FAT2: variants seen among roughly 807,000 people sequenced by gnomAD.
The protein encoded by FAT2 is protocadherin Fat 2.
Under a neutral mutation model 295.3 loss-of-function variants are expected in FAT2, and 150 were observed. The ratio of observed to expected loss-of-function variants is 0.51; its 90% CI spans 0.44 to 0.58. The LOEUF (loss-of-function observed/expected upper bound fraction) is 0.58, where lower values mean the gene tolerates loss of function less well. Among genes scored for constraint, FAT2 ranks in the 20% least tolerant of loss-of-function variants. The pLI is 0.00. For missense variants in FAT2, 4,868 were observed against 5,442.7 expected (o/e 0.89, Z 3.32); for synonymous variants, 2,026 against 2,150.3 (o/e 0.94, Z 1.60).
rs1387076530 is a variant in FAT2, at chr5:151,522,050, T to C, written c.10543A>G (p.Thr3515Ala). Reference sequence around the variant, plus strand: ...TCTGTGACATGGACACGGACAGACGTCAAAGACGAGAGGGGAGGGATGCCA... The same window carrying C: ...TCTGTGACATGGACACGGACAGACGCCAAAGACGAGAGGGGAGGGATGCCA... ...DSGIPPLSSL[T>A]SVRVHVTEQS... The change falls in exon 19 of 24, where the codon ACG (threonine) becomes GCG (alanine). Residue 3515 changes from threonine (T) to alanine (A), a missense_variant. By Grantham distance (58) the Thr-to-Ala change is moderately conservative. Coordinates refer to ENST00000261800, the MANE Select transcript of FAT2 (RefSeq NM_001447.3). The C allele has an allele frequency of 1.2e-6, 2 of 1,604,676 alleles. No homozygotes were observed. Among genetic ancestry groups the C allele is most frequent in the African/African-American group, 1.3e-5 (1 of 74,708 alleles).
intron 1 of FAT2, among the ~76,000 whole-genome samples, chr5:151,586,164 T>G (rs907169757): frequency 6.6e-6 from 1 of 152,252 alleles, no homozygotes; most frequent in African/African-American, 2.4e-5. Flanking sequence ...GCAGCAGCTC[T>G]GACACTGGAC....
At position 151,554,263 on chromosome 5, in the gene FAT2, C is replaced by T. The variant is rs546569803; in HGVS notation, c.3945+99G>A. 68 of 1,112,086 alleles carry T rather than the reference C, an allele frequency of 6.1e-5. No homozygotes were observed. In the Admixed American group the frequency reaches 8.8e-4, roughly 14 times the overall value. The allele number at this position is 1,112,086 out of a possible 1,614,324, so 68.9% of individuals were successfully genotyped here. The stretch of plus-strand genomic sequence containing the variant: ...AGGCCAGGAAGGAGAGTACCATTTC[C>T]CTTATGCTGGTGGGCTGTCTCCCTC... On this transcript the variant is annotated intron_variant, in intron 5 of 23. Transcript: ENST00000261800.
chr5:151,566,358 G>T lies in FAT2; in HGVS notation c.2574C>A (p.Thr858=), dbSNP rs2127645864. The T allele has an allele frequency of 6.2e-7, 1 of 1,614,082 alleles. No individual in the cohort carries two copies. The highest frequency in any genetic ancestry group is 8.5e-7 in the Non-Finnish European group (1 of 1,180,012). The part of the protein sequence containing the change: ...DSEDNGRVRY[T]LLSPTEKFSL... ...AGAACTTCTCTGTGGGACTTAGCAG[G>T]GTGTAGCGAACCCTGCCATTGTCTT... The change falls in exon 2 of 24, where the codon ACC becomes ACA. Residue 858 remains threonine (T), a synonymous_variant. Transcript: ENST00000261800.
At chr5:151,552,209 G>T (rs1473938643) in intron 6 of FAT2, among the ~76,000 whole-genome samples, 1 of 152,026 alleles carries the variant, frequency 6.6e-6, no homozygotes, top group African/African-American at 2.4e-5. Flanking sequence ...TGTAACCTTG[G>T]ACTCGGCCTC....
chr5:151,533,393 AACACACACACAC>A (rs36215342), intron 13 of FAT2, among the ~76,000 whole-genome samples: 181 of 132,182 alleles, frequency 1.4e-3, no homozygotes, highest in African/African-American at 4.3e-3. Flanking sequence ...TGTTATCTCC[AACACACACACAC>A]ACACACACAC....
chr5:151,572,105 A>G (rs1158997989), intron 1 of FAT2, among the ~76,000 whole-genome samples: 3 of 152,110 alleles, frequency 2.0e-5, no homozygotes, highest in Admixed American at 6.5e-5. Flanking sequence ...TCCCCTCTTT[A>G]TCACTTTGCC....
chr5:151,562,565 G>A (rs556208588), intron 3 of FAT2, among the ~76,000 whole-genome samples: 2 of 152,320 alleles, frequency 1.3e-5, no homozygotes, highest in African/African-American at 4.8e-5. Context: ...AAAGGGAGCA[G>A]CTGTTGGCTC....
intron 22 of FAT2, among the ~76,000 whole-genome samples, chr5:151,508,483 C>T (rs867732656): frequency 2.6e-5 from 4 of 152,032 alleles, no homozygotes; most frequent in Admixed American, 1.3e-4. Flanking sequence ...GCCGAGTCAG[C>T]GGGATCACTT....
At chr5:151,558,667 G>A (rs185455216) in intron 3 of FAT2, among the ~76,000 whole-genome samples, 309 of 151,712 alleles carry the variant, frequency 2.0e-3, no homozygotes, top group Non-Finnish European at 2.4e-3. Context: ...ATTGCCTTCC[G>A]TTTCAGAGAA....
rs1416369947 is a variant in FAT2 at position 151,550,655 on chromosome 5, C to CCCT, written c.4512_4513insAGG (p.Gly1504_Val1505insArg). 1 of 1,614,212 alleles carries CCCT rather than the reference C, an allele frequency of 6.2e-7. No individual in the cohort carries two copies. The highest frequency in any genetic ancestry group is 8.5e-7 in the Non-Finnish European group (1 of 1,180,044). On this transcript the variant is annotated inframe_insertion, in exon 8 of 24. Transcript: ENST00000261800. ...TCCAATTTTCCCACCGTTACCAGGA[C>CCCT]ACCACTGCTTGGGTCCAGCTGGAAG...
chr5:151,527,877 TG>T, intron 16 of FAT2, 118 bp downstream of exon 16: 1 of 1,319,748 alleles, frequency 7.6e-7, no homozygotes, highest in Non-Finnish European at 1.0e-6. Flanking sequence ...AGAGACATTC[TG>T]GGAAGGTCTG....
intron 20 of FAT2, 35 bp downstream of exon 20, chr5:151,517,585 C>T (rs202112877): frequency 6.2e-7 from 1 of 1,612,480 alleles, no homozygotes; most frequent in Admixed American, 1.7e-5. Context: ...GCCTGGGACA[C>T]CCACATGAAA....
In FAT2 at chr5:151,531,166, G is replaced by A. The variant is rs544168210; in HGVS notation, c.9811+421C>T. ...TAAGGGGTGCCAGGATGTTTGGAGT[G>A]GATGTGGGGACTCCAGGAGGGAAGC... On this transcript the variant is annotated intron_variant, in intron 14 of 23. Transcript: ENST00000261800. The surrounding 1 kb of genome is among the most constrained non-coding windows in gnomAD (Gnocchi z 5.7). 1.5e-4 allele frequency among the ~76,000 whole-genome samples: 23 copies of A among 152,306 alleles called. 1 individual carries two copies. The East Asian group carries it at 3.7e-3, about 24-fold the overall frequency.
At chr5:151,564,272 C>T (rs1013183280) in intron 2 of FAT2, among the ~76,000 whole-genome samples, 1 of 152,222 alleles carries the variant, frequency 6.6e-6, no homozygotes, top group Non-Finnish European at 1.5e-5. Flanking sequence ...TGTGAGAGGG[C>T]GTGGCCCATG....
chr5:151,546,326 C>T lies in FAT2; in HGVS notation c.4801G>A (p.Gly1601Ser). ...AGCAGGGCATTGATGTTGAAGAAAC[C>T]TTCGCTGTTCCCTGAAACAGAAGAC... Reference protein sequence around the residue: ...HYSLLKGNSEGFFNINALLGI... With the variant: ...HYSLLKGNSESFFNINALLGI... The change falls in exon 10 of 24, where the codon GGT becomes AGT. Residue 1601 changes from glycine to serine, a missense_variant. This residue lies in a region of FAT2 where 3,297 missense variants were observed against 3,669.4 expected (regional missense o/e 0.90). Transcript: ENST00000261800. The T allele has an allele frequency of 6.2e-7, 1 of 1,611,290 alleles. No individual in the cohort carries two copies. Among genetic ancestry groups the T allele is most frequent in the South Asian group, 1.1e-5 (1 of 90,832 alleles).
rs1270841112 is a variant in FAT2 at position 151,566,751 on chromosome 5, A to G, written c.2181T>C (p.Ser727=). ...GGGCCAAGGGGGTGTTGATAGGGAC[A>G]CTCTCAAGGACATCAATGGATTGGG... is the stretch of plus-strand genomic sequence containing the variant. ...HFPQSIDVLE[S]VPINTPLARL... is the part of the protein sequence containing the mutation. Residue 727 remains serine, a synonymous_variant, in exon 2 of 24, where the codon AGT becomes AGC. Transcript: ENST00000261800. 1.2e-6 allele frequency: 2 copies of G among 1,614,040 alleles called. No individual in the cohort carries two copies. Among genetic ancestry groups the G allele is most frequent in the Non-Finnish European group, 1.7e-6 (2 of 1,179,998 alleles).
At chr5:151,585,691 C>G (rs1458939435) in intron 1 of FAT2, among the ~76,000 whole-genome samples, 5 of 152,184 alleles carry the variant, frequency 3.3e-5, no homozygotes, top group African/African-American at 1.2e-4. Flanking sequence ...ACTACCAGGA[C>G]AGAGTAGAGA....
At chr5:151,560,814 T>C (rs960561753) in intron 3 of FAT2, among the ~76,000 whole-genome samples, 3 of 152,236 alleles carry the variant, frequency 2.0e-5, no homozygotes, top group Admixed American at 6.5e-5. Context: ...ATTTGCTGAG[T>C]ACGTGAATGA....
intron 1 of FAT2, among the ~76,000 whole-genome samples, chr5:151,590,694 T>C (rs1336498436): frequency 6.6e-6 from 1 of 152,150 alleles, no homozygotes; most frequent in African/African-American, 2.4e-5. Flanking sequence ...GCTTTGTCTG[T>C]GATAAGGTTC....
Sources: allele counts gnomAD v4.1 joint callset (sites outside exome capture counted in the v4.1 genomes callset), GRCh38; gene constraint gnomAD v4.1.1; regional missense constraint gnomAD v4.1.1; non-coding constraint Gnocchi (gnomAD v3.1); transcripts MANE v1.5; gene names NCBI Gene and HGNC (gene_info 2026-07-23, HGNC 2026-07-21).